The following METTL8 variants were observed in gnomAD, a reference collection of about 807,000 sequenced individuals.
METTL8 encodes the protein methyltransferase 8, tRNA N3-cytidine, also known as tRNA N(3)-cytidine methyltransferase METTL8, mitochondrial.
A neutral mutation model predicts 48.7 loss-of-function variants in METTL8; 32 were observed. The ratio of observed to expected loss-of-function variants is 0.66; its 90% CI spans 0.50 to 0.88. The LOEUF is 0.88. METTL8 is among the 40% of genes least tolerant of loss of function. The pLI is 0.00. For missense variants in METTL8, 464 were observed against 474.4 expected (o/e 0.98, Z 0.20); for synonymous variants, 136 against 157.1 (o/e 0.87, Z 1.01).
chr2:171,389,704 G>T (rs1688412790), intron 2 of METTL8, among the ~76,000 whole-genome samples: 3 of 152,130 alleles, frequency 2.0e-5, no homozygotes, highest in African/African-American at 7.2e-5. Context: ...CTCTATGAAG[G>T]CTCACAGAGA....
intron 1 of METTL8, among the ~76,000 whole-genome samples, chr2:171,422,130 G>A (rs182726640): frequency 6.6e-6 from 1 of 151,938 alleles, no homozygotes; most frequent in Non-Finnish European, 1.5e-5. Context: ...ATCACCCCAG[G>A]GACAGAAAAA....
At chr2:171,336,786 T>G (rs528773934) in intron 5 of METTL8, among the ~76,000 whole-genome samples, 59 of 151,880 alleles carry the variant, frequency 3.9e-4, no homozygotes, top group African/African-American at 1.1e-3. Context: ...TAAAATGACA[T>G]CTAAGTATCT....
At chr2:171,326,897 A>G (rs928589025) in intron 7 of METTL8, 2 of 152,308 alleles carry the variant, frequency 1.3e-5, no homozygotes, top group African/African-American at 4.8e-5. Flanking sequence ...ATTTTGTCAA[A>G]TCATCTCCTT....
Position 171,317,568 on chromosome 2 carries a change from G to T in METTL8, c.*6604C>A, listed in dbSNP as rs1684319568. ...GGACACAGCTAGCTGGACACTATTT[G>T]AAGTCTATGTGCTCAAGTATTGCTT... is the stretch of plus-strand genomic sequence containing the variant. On this transcript the variant is annotated 3_prime_UTR_variant, in exon 10 of 10. Coordinates refer to ENST00000375258, the MANE Select transcript of METTL8 (RefSeq NM_001321154.2). 6.6e-6 allele frequency: 1 copy of T among 152,264 alleles called. No individual in the cohort carries two copies. Among genetic ancestry groups the T allele is most frequent in the Non-Finnish European group, 1.5e-5 (1 of 68,062 alleles). 9.4% of individuals were successfully genotyped at this position (152,264 alleles called of 1,614,324 possible). A position where few individuals can be genotyped will look rare whatever the true frequency, so the allele number is the denominator to read the frequency against.
chr2:171,367,919 G>C (rs149249791), intron 2 of METTL8, among the ~76,000 whole-genome samples: 1 of 152,066 alleles, frequency 6.6e-6, no homozygotes, highest in Non-Finnish European at 1.5e-5. Context: ...CCACTAAATC[G>C]AAACTATTCT....
At chr2:171,336,396 C>CTTT (rs146097512) in intron 5 of METTL8, among the ~76,000 whole-genome samples, 1 of 80,776 alleles carries the variant, frequency 1.2e-5, no homozygotes, top group East Asian at 3.8e-4. Flanking sequence ...CGCCCGACTG[C>CTTT]TTTTTTTTTT....
Position 171,318,803 on chromosome 2 carries a change from C to G in METTL8, c.*5369G>C, listed in dbSNP as rs537758818. The G allele has an allele frequency of 1.3e-5, 2 of 151,942 alleles. No homozygotes were observed. Among genetic ancestry groups the G allele is most frequent in the East Asian group, 3.9e-4 (2 of 5,150 alleles). 9.4% of individuals were successfully genotyped at this position (151,942 alleles called of 1,614,324 possible). A position where few individuals can be genotyped will look rare whatever the true frequency, so the allele number is the denominator to read the frequency against. On this transcript the variant is annotated 3_prime_UTR_variant, in exon 10 of 10. Transcript: ENST00000375258. ...TCAGAAAGCTCTTTCTTCCCTGGTG[C>G]CTTTCCCAGCAGCATTTGGGCCCAT...
At chr2:171,329,536 G>T (rs1309016261) in intron 7 of METTL8, among the ~76,000 whole-genome samples, 1 of 152,148 alleles carries the variant, frequency 6.6e-6, no homozygotes, top group Non-Finnish European at 1.5e-5. Context: ...TTAGCAGAAA[G>T]AAATAGGTTA....
rs565037632 is a variant in METTL8, at chr2:171,352,978, C to G, written c.235+7444G>C. The stretch of plus-strand genomic sequence containing the variant: ...TGTGTCTCTATCTCCTTCAGTTCTG[C>G]TCTGATCTTAGTTATTTCTTGCCTT... On this transcript the variant is annotated intron_variant, in intron 3 of 9. Coordinates refer to ENST00000375258, the MANE Select transcript of METTL8 (RefSeq NM_001321154.2). Among the ~76,000 whole-genome samples, 303 of 152,216 alleles carry G rather than the reference C, an allele frequency of 2.0e-3. 2 individuals carry two copies. Among genetic ancestry groups the G allele is most frequent in the African/African-American group, 6.8e-3 (281 of 41,536 alleles).
intron 1 of METTL8, 119 bp from the exon 2 acceptor site, chr2:171,392,316 T>G: frequency 1.3e-6 from 1 of 746,960 alleles, no homozygotes; most frequent in Non-Finnish European, 2.1e-6. Context: ...AACTAGAAAC[T>G]TTTTAATGAA....
At chr2:171,399,457 G>C (rs545031994) in intron 1 of METTL8, among the ~76,000 whole-genome samples, 1 of 152,114 alleles carries the variant, frequency 6.6e-6, no homozygotes, top group Non-Finnish European at 1.5e-5. Flanking sequence ...ACCATGACAA[G>C]CCAAGGAGAA....
chr2:171,365,916 CT>C (rs1440284577), intron 2 of METTL8, among the ~76,000 whole-genome samples: 1 of 152,228 alleles, frequency 6.6e-6, no homozygotes, highest in East Asian at 1.9e-4. Context: ...GGGACACATT[CT>C]AGACTGTGGT....
chr2:171,365,503 A>G (rs1444057081), intron 2 of METTL8, among the ~76,000 whole-genome samples: 2 of 152,148 alleles, frequency 1.3e-5, no homozygotes, highest in East Asian at 3.9e-4. Context: ...CAAGCCTCTG[A>G]TGCTCTGGTC....
intron 5 of METTL8, among the ~76,000 whole-genome samples, chr2:171,336,383 C>T (rs1008249400): frequency 5.3e-5 from 8 of 150,056 alleles, no homozygotes; most frequent in Non-Finnish European, 1.0e-4. Flanking sequence ...GCATGAGCCA[C>T]CACGCCCGAC....
intron 1 of METTL8, among the ~76,000 whole-genome samples, chr2:171,420,682 A>G (rs573342098): frequency 2.0e-5 from 3 of 152,342 alleles, no homozygotes; most frequent in African/African-American, 7.2e-5. Flanking sequence ...TACAATGTAT[A>G]AAAAACAAAA....
chr2:171,372,822 T>C (rs565022466), intron 2 of METTL8, among the ~76,000 whole-genome samples: 1 of 152,240 alleles, frequency 6.6e-6, no homozygotes, highest in Non-Finnish European at 1.5e-5. Flanking sequence ...CTCATCTTTT[T>C]TTATGGCTGC....
chr2:171,325,624 A>T (rs1415483936), intron 9 of METTL8, among the ~76,000 whole-genome samples: 1 of 102,118 alleles, frequency 9.8e-6, no homozygotes, highest in Non-Finnish European at 2.0e-5. Context: ...AGGGTAAAAC[A>T]AGAGACTTTA....
At chr2:171,412,111 A>G (rs1300377987) in intron 1 of METTL8, among the ~76,000 whole-genome samples, 2 of 152,226 alleles carry the variant, frequency 1.3e-5, no homozygotes, top group Non-Finnish European at 2.9e-5. Context: ...TAAGGAAATA[A>G]TATCTGTCAT....
At chr2:171,392,241 G>C (rs1688645968) in intron 1 of METTL8, 44 bp from the exon 2 acceptor site, 1 of 1,473,610 alleles carries the variant, frequency 6.8e-7, no homozygotes, top group Admixed American at 2.1e-5. Context: ...AGATTAAACA[G>C]TGTATTGTTT....
Sources: allele counts gnomAD v4.1 joint callset (sites outside exome capture counted in the v4.1 genomes callset), GRCh38; gene constraint gnomAD v4.1.1; transcripts MANE v1.5; gene names NCBI Gene and HGNC (gene_info 2026-07-23, HGNC 2026-07-21).